RBFOX1: variants seen among roughly 807,000 people sequenced by gnomAD.
RBFOX1 encodes the protein RNA binding fox-1 homolog 1, also known as RNA binding protein fox-1 homolog 1.
A neutral mutation model predicts 57.7 loss-of-function variants in RBFOX1; 8 were observed. The observed-to-expected ratio is 0.14, with a 90% CI of 0.08 to 0.25. RBFOX1 has a LOEUF of 0.25. RBFOX1 is among the 10% of genes least tolerant of loss of function. The pLI is 1.00. For synonymous variants in RBFOX1, 326 were observed against 222.4 expected, an observed-to-expected ratio of 1.47 and a Z score of -4.15; for missense variants, 611 against 548.5, an observed-to-expected ratio of 1.11 and a Z score of -1.14.
intron 1 of RBFOX1, among the ~76,000 whole-genome samples, chr16:5,396,925 GAA>G (rs943375485): frequency 6.6e-6 from 1 of 152,166 alleles, no homozygotes; most frequent in African/African-American, 2.4e-5. Context: ...ACCTTGTCCA[GAA>G]TCCTATCAGA....
chr16:6,964,663 C>CT (rs1239956138), intron 3 of RBFOX1, among the ~76,000 whole-genome samples: 3 of 152,158 alleles, frequency 2.0e-5, no homozygotes, highest in African/African-American at 7.2e-5. Flanking sequence ...TTGACAAACT[C>CT]ATTCCTTCCC....
At chr16:6,621,970 T>A (rs1310128310) in intron 2 of RBFOX1, among the ~76,000 whole-genome samples, 2 of 152,194 alleles carry the variant, frequency 1.3e-5, no homozygotes, top group African/African-American at 4.8e-5. Flanking sequence ...AGGTGCTACA[T>A]AATTGCTGCT....
At chr16:7,473,073 T>A (rs1393677096) in intron 4 of RBFOX1, among the ~76,000 whole-genome samples, 1 of 152,078 alleles carries the variant, frequency 6.6e-6, no homozygotes, top group Non-Finnish European at 1.5e-5. Flanking sequence ...AAACGATGAA[T>A]AGCATTAGAT....
In RBFOX1 at chr16:7,075,896, C is replaced by T. The variant is rs115376044; in HGVS notation, c.27+23798C>T. Among the ~76,000 whole-genome samples, 1,117 of 151,828 alleles carry T rather than the reference C, an allele frequency of 7.4e-3. 13 individuals carry two copies. The highest frequency in any genetic ancestry group is 0.025 in the African/African-American group (1,051 of 41,412). On this transcript the variant is annotated intron_variant, in intron 4 of 15. Coordinates refer to ENST00000550418, the MANE Select transcript of RBFOX1 (RefSeq NM_018723.4). Reference sequence around the variant, plus strand: ...CGCCCGGCCTGGGCTTGCATTTCAACATGTAAACAATTTCCTGTAACTGAA... The same window carrying T: ...CGCCCGGCCTGGGCTTGCATTTCAATATGTAAACAATTTCCTGTAACTGAA...
intron 3 of RBFOX1, among the ~76,000 whole-genome samples, chr16:5,749,198 C>G (rs1460763615): frequency 6.6e-6 from 1 of 152,070 alleles, no homozygotes; most frequent in Non-Finnish European, 1.5e-5. Flanking sequence ...TTGCCCCCAC[C>G]CCCTTTTGGT....
intron 3 of RBFOX1, among the ~76,000 whole-genome samples, chr16:6,797,182 C>A (rs575142794): frequency 1.1e-4 from 16 of 152,312 alleles, no homozygotes; most frequent in Non-Finnish European, 2.2e-4. Context: ...TAGCAAGGAT[C>A]AGTCTGAGTC....
chr16:6,457,180 A>G (rs1037664489), intron 2 of RBFOX1, among the ~76,000 whole-genome samples: 1 of 152,190 alleles, frequency 6.6e-6, no homozygotes, highest in Non-Finnish European at 1.5e-5. Context: ...TTCCCAGAGG[A>G]GAAAGGATTT....
chr16:6,752,011 G>T (rs2075019050), intron 3 of RBFOX1, among the ~76,000 whole-genome samples: 1 of 152,088 alleles, frequency 6.6e-6, no homozygotes, highest in Admixed American at 6.6e-5. Flanking sequence ...AGTTGGAATA[G>T]GTGACTCAGT....
At chr16:5,714,789 G>A (rs950119649) in intron 3 of RBFOX1, among the ~76,000 whole-genome samples, 18 of 152,158 alleles carry the variant, frequency 1.2e-4, no homozygotes, top group African/African-American at 4.1e-4. Context: ...TATCAGCCTC[G>A]TAAGGTAGAA....
chr16:7,274,675 T>G (rs1263480936), intron 4 of RBFOX1, among the ~76,000 whole-genome samples: 1 of 143,404 alleles, frequency 7.0e-6, no homozygotes, highest in Non-Finnish European at 1.5e-5. Context: ...GAGCATTAGG[T>G]TTTTTTTACT....
intron 1 of RBFOX1, among the ~76,000 whole-genome samples, chr16:5,346,453 C>A (rs1020536843): frequency 1.3e-5 from 2 of 152,172 alleles, no homozygotes; most frequent in African/African-American, 2.4e-5. Flanking sequence ...TCAAGGGATG[C>A]ATGGGATTTC....
At chr16:5,642,617 C>G (rs900689085) in intron 3 of RBFOX1, among the ~76,000 whole-genome samples, 20 of 152,074 alleles carry the variant, frequency 1.3e-4, no homozygotes, top group Admixed American at 1.3e-3. Context: ...GCCGCCCCCC[C>G]TTCCCCAGCC....
rs547981666 is a variant in RBFOX1 at position 7,448,189 on chromosome 16, T to G, written c.28-69958T>G. Among the ~76,000 whole-genome samples, 17 of 152,352 alleles carry G rather than the reference T, an allele frequency of 1.1e-4. No homozygotes were observed. In the South Asian group the frequency reaches 1.9e-3, roughly 17 times the overall value. On this transcript the variant is annotated intron_variant, in intron 4 of 15. Transcript: ENST00000550418. ...GCAAATTACTGCAAACAGAGCGGCT[T>G]AAAATAACAGAAACTTATTCTCTTA...
chr16:6,236,435 GTTTA>G (rs2097505478), intron 1 of RBFOX1, among the ~76,000 whole-genome samples: 2 of 142,234 alleles, frequency 1.4e-5, no homozygotes, highest in African/African-American at 6.1e-5. Context: ...TTATTATGAT[GTTTA>G]TTTTTTTTTT....
chr16:5,363,288 A>T (rs970122754), intron 1 of RBFOX1, among the ~76,000 whole-genome samples: 1 of 149,784 alleles, frequency 6.7e-6, no homozygotes, highest in African/African-American at 2.5e-5. Context: ...CATGTGATCC[A>T]CCTTCCTTGG....
chr16:6,510,402 G>A (rs965789277), intron 2 of RBFOX1, among the ~76,000 whole-genome samples: 1 of 151,460 alleles, frequency 6.6e-6, no homozygotes, highest in Non-Finnish European at 1.5e-5. Flanking sequence ...TTCTGCTCTT[G>A]TTGTTGATGA....
At chr16:6,261,336 T>C (rs942440750) in intron 1 of RBFOX1, among the ~76,000 whole-genome samples, 3 of 152,216 alleles carry the variant, frequency 2.0e-5, no homozygotes, top group Non-Finnish European at 2.9e-5. Context: ...AGTTTTTCCA[T>C]CTTGAGGAAG....
At chr16:6,948,465 C>G (rs551812083) in intron 3 of RBFOX1, among the ~76,000 whole-genome samples, 3 of 139,534 alleles carry the variant, frequency 2.2e-5, no homozygotes, top group Non-Finnish European at 3.0e-5. Flanking sequence ...TCACTACAAC[C>G]TTTGCCTCCT....
chr16:5,691,334 A>G (rs915168672), intron 3 of RBFOX1, among the ~76,000 whole-genome samples: 1 of 152,162 alleles, frequency 6.6e-6, no homozygotes, highest in African/African-American at 2.4e-5. Flanking sequence ...TCTCTGCCTG[A>G]TCTGTGCTGA....
Sources: gnomAD v4.1 joint callset for allele counts (sites outside exome capture counted in the v4.1 genomes callset) on GRCh38, gnomAD v4.1.1 for gene constraint, MANE v1.5 for transcripts, NCBI Gene and HGNC (gene_info 2026-07-23, HGNC 2026-07-21) for gene names.